AFF4: variants seen among roughly 807,000 people sequenced by gnomAD.
AFF4 encodes the protein AF4/FMR2 family member 4.
AFF4 carries 13 observed loss-of-function variants against 124.8 expected under a neutral mutation model. The ratio of observed to expected loss-of-function variants is 0.10; its 90% confidence interval spans 0.07 to 0.17. The LOEUF is 0.17. AFF4 is among the 10% of genes least tolerant of loss of function. The pLI is 1.00. For missense variants in AFF4, 1,092 were observed against 1,403.8 expected (o/e 0.78, Z 3.55); for synonymous variants, 477 against 496.1 (o/e 0.96, Z 0.51).
At chr5:132,922,474 G>T (rs1055758008) in intron 5 of AFF4, among the ~76,000 whole-genome samples, 1 of 151,992 alleles carries the variant, frequency 6.6e-6, no homozygotes, top group Admixed American at 6.6e-5. Flanking sequence ...ATTCACATCA[G>T]CTTTATTTTT....
intron 11 of AFF4, among the ~76,000 whole-genome samples, chr5:132,894,215 G>A (rs1760332066): frequency 6.6e-6 from 1 of 152,186 alleles, no homozygotes; most frequent in African/African-American, 2.4e-5. Context: ...CAGATCAAAA[G>A]GTAACTCTAT....
Position 132,892,153 on chromosome 5 carries a change from C to G in AFF4, c.2637+11G>C. The G allele has an allele frequency of 6.2e-7, 1 of 1,614,150 alleles. No homozygotes were observed. Among genetic ancestry groups the G allele is most frequent in the Non-Finnish European group, 8.5e-7 (1 of 1,180,038 alleles). ...ATGATTTTCAAAAGCCCCAGGCCCC[C>G]AACACTTTACCTTAACCTCCTTGGA... is the stretch of plus-strand genomic sequence containing the variant. On this transcript the variant is annotated intron_variant, in intron 13 of 20. Coordinates refer to ENST00000265343, the MANE Select transcript of AFF4 (RefSeq NM_014423.4).
intron 5 of AFF4, chr5:132,926,190 G>A (rs1471825426): frequency 2.1e-6 from 1 of 466,582 alleles, no homozygotes; most frequent in South Asian, 1.6e-5. Context: ...TGTATTACAT[G>A]AATATAAAAA....
chr5:132,886,295 CT>C lies in AFF4; in HGVS notation c.3099+14del. On this transcript the variant is annotated intron_variant, in intron 18 of 20. Coordinates refer to ENST00000265343, the MANE Select transcript of AFF4 (RefSeq NM_014423.4). ...TGTCTCCTAGGAAACGGACCTTGTG[CT>C]TTTGCATACTTACCTTCAGGTGCTC... 6.2e-7 allele frequency: 1 copy of C among 1,610,782 alleles called. No individual in the cohort carries two copies. The highest frequency in any genetic ancestry group is 8.5e-7 in the Non-Finnish European group (1 of 1,178,186).
At chr5:132,909,361 T>C (rs1345696026) in intron 5 of AFF4, among the ~76,000 whole-genome samples, 2 of 152,102 alleles carry the variant, frequency 1.3e-5, no homozygotes, top group African/African-American at 2.4e-5. Context: ...CAGGCTGGTC[T>C]TGAACTCCTG....
intron 1 of AFF4, among the ~76,000 whole-genome samples, chr5:132,960,239 A>G (rs2150116919): frequency 6.6e-6 from 1 of 152,318 alleles, no homozygotes; most frequent in East Asian, 1.9e-4. Flanking sequence ...GGTAAAACAT[A>G]ATAAGGATGC....
At chr5:132,881,301 C>A in intron 20 of AFF4, 115 bp from the exon 21 acceptor site, 1 of 1,082,444 alleles carries the variant, frequency 9.2e-7, no homozygotes, top group Non-Finnish European at 1.3e-6. Flanking sequence ...CCTCCTCCTA[C>A]ACTAAAATGC....
chr5:132,935,031 G>A, intron 2 of AFF4, 90 bp from the exon 3 acceptor site: 1 of 1,062,604 alleles, frequency 9.4e-7, no homozygotes, highest in Non-Finnish European at 1.3e-6. Flanking sequence ...ACTTCGAATG[G>A]AAAGGGGCTT....
intron 18 of AFF4, among the ~76,000 whole-genome samples, chr5:132,885,473 G>A (rs1760095828): frequency 8.0e-6 from 1 of 125,440 alleles, no homozygotes; most frequent in African/African-American, 2.9e-5. Context: ...AAAGGGGTGG[G>A]TGGGTGGGTG....
chr5:132,894,307 C>G (rs1009919830), intron 11 of AFF4, among the ~76,000 whole-genome samples: 3 of 152,194 alleles, frequency 2.0e-5, no homozygotes, highest in African/African-American at 7.2e-5. Flanking sequence ...TATCAAAGTT[C>G]CAACTTTTTC....
intron 17 of AFF4, among the ~76,000 whole-genome samples, chr5:132,886,720 C>A (rs1760128399): frequency 6.6e-6 from 1 of 152,138 alleles, no homozygotes; most frequent in Non-Finnish European, 1.5e-5. Context: ...AAAGTGTAAA[C>A]AATCTAAAAT....
intron 14 of AFF4, 106 bp downstream of exon 14, chr5:132,888,973 A>C: frequency 9.7e-7 from 1 of 1,035,504 alleles, no homozygotes; most frequent in Non-Finnish European, 1.5e-6. Flanking sequence ...TGGGATTACA[A>C]GCGTGAGCCA....
intron 13 of AFF4, among the ~76,000 whole-genome samples, chr5:132,889,639 T>G (rs1316846332): frequency 6.6e-6 from 1 of 152,226 alleles, no homozygotes; most frequent in Non-Finnish European, 1.5e-5. Context: ...AGTACTGCTA[T>G]TAAGATAAAA....
At chr5:132,930,238 C>A (rs1761267951) in intron 4 of AFF4, among the ~76,000 whole-genome samples, 1 of 151,986 alleles carries the variant, frequency 6.6e-6, no homozygotes, top group South Asian at 2.1e-4. Context: ...GAGATAAAGC[C>A]AAGAATGGTG....
chr5:132,923,659 GGTATAGTGA>G (rs1761105419), intron 5 of AFF4, among the ~76,000 whole-genome samples: 1 of 151,930 alleles, frequency 6.6e-6, no homozygotes, highest in Non-Finnish European at 1.5e-5. Context: ...GGAGTTCAAG[GGTATAGTGA>G]GCTATATGAT....
rs1465353728 is a variant in AFF4, at chr5:132,932,554, T to C, written c.919-332A>G. On this transcript the variant is annotated intron_variant, in intron 3 of 20. Coordinates refer to ENST00000265343, the MANE Select transcript of AFF4 (RefSeq NM_014423.4). ...TAATCTTACCTATATATAAAACATA[T>C]CATGATACTGAGATACATCATTTCA... Among the ~76,000 whole-genome samples the C allele has an allele frequency of 2.6e-5, 4 of 152,216 alleles. No homozygotes were observed. The East Asian group carries it at 7.7e-4, about 29-fold the overall frequency.
intron 1 of AFF4, among the ~76,000 whole-genome samples, chr5:132,942,543 C>CT (rs1278284899): frequency 5.3e-5 from 8 of 151,096 alleles, no homozygotes; most frequent in Admixed American, 2.6e-4. Context: ...CGGCTCACCA[C>CT]AACCTTCGCC....
At position 132,963,382 on chromosome 5, in the gene AFF4, C is replaced by A; in HGVS notation, c.-128G>T. ...GGGGGCGGTGACAGGCTGCCAAGGG[C>A]GAGGGGCTCCGGGAGGCGGCGGGGG... On this transcript the variant is annotated 5_prime_UTR_variant, in exon 1 of 21. Coordinates refer to ENST00000265343, the MANE Select transcript of AFF4 (RefSeq NM_014423.4). The A allele has an allele frequency of 2.5e-6, 1 of 397,756 alleles. No individual in the cohort carries two copies. Among genetic ancestry groups the A allele is most frequent in the South Asian group, 1.3e-4 (1 of 7,882 alleles). 24.6% of individuals were successfully genotyped at this position (397,756 alleles called of 1,614,324 possible).
intron 7 of AFF4, among the ~76,000 whole-genome samples, chr5:132,901,597 C>A (rs1760553434): frequency 6.6e-6 from 1 of 152,110 alleles, no homozygotes; most frequent in African/African-American, 2.4e-5. Context: ...CAATACATTA[C>A]CCTGTTACAT....
Sources: gnomAD v4.1 joint callset for allele counts (sites outside exome capture counted in the v4.1 genomes callset) on GRCh38, gnomAD v4.1.1 for gene constraint, MANE v1.5 for transcripts, NCBI Gene and HGNC (gene_info 2026-07-23, HGNC 2026-07-21) for gene names.